The following MYO5B variants were observed in gnomAD, a reference collection of about 807,000 sequenced individuals.
MYO5B encodes the protein unconventional myosin-Vb.
A neutral mutation model predicts 229.3 loss-of-function variants in MYO5B; 143 were observed. The observed-to-expected ratio is 0.62, with a 90% CI of 0.54 to 0.72. The LOEUF is 0.72. Ranked by LOEUF, MYO5B falls within the 30% of genes least tolerant of loss-of-function variation. The pLI is 0.00. For synonymous variants in MYO5B, 918 were observed against 885.2 expected (o/e 1.04, Z -0.66); for missense variants, 2,321 against 2,331.0 (o/e 1.00, Z 0.09).
chr18:50,075,574 C>A (rs916628633), intron 1 of MYO5B, among the ~76,000 whole-genome samples: 1 of 152,172 alleles, frequency 6.6e-6, no homozygotes, highest in Non-Finnish European at 1.5e-5. Context: ...GGCCATGCAG[C>A]GATGACAGAG....
chr18:50,022,504 A>G (rs2026287065), intron 4 of MYO5B, among the ~76,000 whole-genome samples: 1 of 152,190 alleles, frequency 6.6e-6, no homozygotes, highest in Admixed American at 6.5e-5. Context: ...GATTAGGATT[A>G]TTATAGTAAG....
intron 4 of MYO5B, among the ~76,000 whole-genome samples, chr18:50,018,442 T>C (rs957026802): frequency 6.6e-6 from 1 of 152,228 alleles, no homozygotes; most frequent in Non-Finnish European, 1.5e-5. Context: ...ATAAACTGTC[T>C]AGAGAAGCCT....
rs764194930 is a variant in MYO5B at position 49,841,468 on chromosome 18, A to G, written c.4612-14T>C. ...ATCATTGTGCTTCTGTGAAAAGAAA[A>G]GGACATCCTCAGCTCTAAGTGGCTC... On this transcript the variant is annotated splice_polypyrimidine_tract_variant and intron_variant, in intron 34 of 39. Coordinates refer to ENST00000285039, the MANE Select transcript of MYO5B (RefSeq NM_001080467.3). 2 of 1,611,830 alleles carry G rather than the reference A, an allele frequency of 1.2e-6. No homozygotes were observed. Among genetic ancestry groups the G allele is most frequent in the African/African-American group, 1.3e-5 (1 of 74,886 alleles).
intron 4 of MYO5B, among the ~76,000 whole-genome samples, chr18:50,004,035 G>A (rs1051080812): frequency 1.3e-5 from 2 of 152,180 alleles, no homozygotes; most frequent in East Asian, 1.9e-4. Flanking sequence ...ACACACCAGC[G>A]ATGCTTGTCA....
intron 1 of MYO5B, among the ~76,000 whole-genome samples, chr18:50,112,966 A>G (rs2031893404): frequency 1.3e-5 from 2 of 152,236 alleles, no homozygotes; most frequent in Admixed American, 1.3e-4. Flanking sequence ...TTAAACTTTA[A>G]AATCATTCCA....
chr18:50,092,842 A>C (rs952206533), intron 1 of MYO5B, among the ~76,000 whole-genome samples: 17 of 152,272 alleles, frequency 1.1e-4, no homozygotes, highest in African/African-American at 3.4e-4. Flanking sequence ...AGAGTGTTAG[A>C]CTCCAAAAAT....
intron 1 of MYO5B, among the ~76,000 whole-genome samples, chr18:50,129,443 C>T (rs1478057564): frequency 6.6e-6 from 1 of 152,176 alleles, no homozygotes; most frequent in Non-Finnish European, 1.5e-5. Context: ...AGGCAGAAAA[C>T]TCAAATCACT....
intron 31 of MYO5B, 110 bp downstream of exon 31, chr18:49,853,339 T>C: frequency 9.2e-7 from 1 of 1,090,792 alleles, no homozygotes; most frequent in Non-Finnish European, 1.4e-6. Context: ...GTTCCTACTA[T>C]AGGGCCAAGG....
chr18:50,013,143 G>A (rs1239615723), intron 4 of MYO5B, among the ~76,000 whole-genome samples: 2 of 152,318 alleles, frequency 1.3e-5, no homozygotes, highest in Middle Eastern at 3.4e-3. Context: ...TTGAAAGACA[G>A]ACTCGCTTTA....
chr18:49,839,113 G>GA (rs1250314343), intron 36 of MYO5B, 31 bp downstream of exon 36: 2 of 1,611,800 alleles, frequency 1.2e-6, no homozygotes, highest in Admixed American at 3.3e-5. Flanking sequence ...ACACCATGAT[G>GA]AGTGATGTAG....
chr18:49,898,525 C>T (rs2024806228), intron 21 of MYO5B, among the ~76,000 whole-genome samples: 1 of 150,968 alleles, frequency 6.6e-6, no homozygotes, highest in South Asian at 2.1e-4. Flanking sequence ...TGACGTCATA[C>T]CACAGCCTAT....
At chr18:49,852,742 C>T (rs1598833214) in intron 31 of MYO5B, among the ~76,000 whole-genome samples, 1 of 152,164 alleles carries the variant, frequency 6.6e-6, no homozygotes, top group Admixed American at 6.5e-5. Flanking sequence ...TGCCAGTCTC[C>T]ATGATTTACA....
intron 1 of MYO5B, among the ~76,000 whole-genome samples, chr18:50,092,958 G>A (rs183680440): frequency 1.0e-3 from 152 of 152,144 alleles, no homozygotes; most frequent in African/African-American, 3.2e-3. Context: ...AAAAGACTCC[G>A]CAAACAAAAG....
chr18:49,915,468 T>C (rs982172840), intron 17 of MYO5B, among the ~76,000 whole-genome samples: 2 of 152,222 alleles, frequency 1.3e-5, no homozygotes, highest in Non-Finnish European at 2.9e-5. Context: ...GTGGATTCCC[T>C]TCAGAAGGAA....
chr18:49,869,131 G>A (rs1462824239), intron 27 of MYO5B, among the ~76,000 whole-genome samples: 1 of 152,158 alleles, frequency 6.6e-6, no homozygotes, highest in Non-Finnish European at 1.5e-5. Context: ...ACCTGCTCAG[G>A]TAGAGTCTAT....
intron 8 of MYO5B, among the ~76,000 whole-genome samples, chr18:49,981,940 A>C (rs1230511158): frequency 2.0e-5 from 3 of 152,192 alleles, no homozygotes; most frequent in African/African-American, 7.2e-5. Context: ...GTAGGAGGTA[A>C]AACACTGGGG....
At chr18:50,139,861 C>A (rs2032391342) in intron 1 of MYO5B, among the ~76,000 whole-genome samples, 2 of 152,196 alleles carry the variant, frequency 1.3e-5, no homozygotes, top group African/African-American at 2.4e-5. Context: ...TTTGCACCAA[C>A]CTAATATCTC....
At chr18:49,876,680 A>G (rs1002601080) in intron 25 of MYO5B, among the ~76,000 whole-genome samples, 1 of 152,222 alleles carries the variant, frequency 6.6e-6, no homozygotes, top group Admixed American at 6.5e-5. Context: ...CCTGGAGTTG[A>G]GGCTGACTGA....
Position 49,937,297 on chromosome 18 carries a change from C to T in MYO5B, c.1853G>A (p.Arg618Lys). The T allele has an allele frequency of 6.2e-7, 1 of 1,614,136 alleles. No individual in the cohort carries two copies. The highest frequency in any genetic ancestry group is 8.5e-7 in the Non-Finnish European group (1 of 1,180,014). Residue 618 changes from arginine to lysine, a missense_variant, in exon 15 of 40, where the codon AGA becomes AAA. Physicochemically the swap from Arg to Lys is conservative, Grantham distance 26 (BLOSUM62 2). Coordinates refer to ENST00000285039, the MANE Select transcript of MYO5B (RefSeq NM_001080467.3). ...SSSKISVRSA[R>K]PPMKVSNKEH... Reference sequence around the variant, plus strand: ...CTTGTTGGAGACTTTCATGGGGGGTCTGGCAGAACGGACGCTGATCTTCGA... The same window carrying T: ...CTTGTTGGAGACTTTCATGGGGGGTTTGGCAGAACGGACGCTGATCTTCGA...
Sources: gnomAD v4.1 joint callset for allele counts (sites outside exome capture counted in the v4.1 genomes callset) on GRCh38, gnomAD v4.1.1 for gene constraint, MANE v1.5 for transcripts, NCBI Gene and HGNC (gene_info 2026-07-23, HGNC 2026-07-21) for gene names.